EMCN: variants seen among roughly 807,000 people sequenced by gnomAD.
EMCN encodes the protein MUC-14.
A neutral mutation model predicts 38.4 loss-of-function variants in EMCN; 37 were observed. That is an observed-to-expected ratio of 0.96 (90% CI 0.74 to 1.27). The LOEUF is 1.27. EMCN is among the 50% of genes most tolerant of loss of function. The probability of loss-of-function intolerance (pLI) is 0.00; values close to 1 mark genes in which losing one functional copy is unlikely to be tolerated. For missense variants in EMCN, 318 were observed against 302.8 expected, an observed-to-expected ratio of 1.05 and a Z score of -0.37; for synonymous variants, 95 against 100.8, an observed-to-expected ratio of 0.94 and a Z score of 0.35.
rs922424956 is a variant in EMCN, at chr4:100,429,131, G to A, written c.416-5727C>T. Among the ~76,000 whole-genome samples, 7 of 152,098 alleles carry A rather than the reference G, an allele frequency of 4.6e-5. No homozygotes were observed. In the East Asian group the frequency reaches 1.2e-3, roughly 25 times the overall value. ...CAGGCCCCTTCTAAGAGTTAATATC[G>A]GACATAAACATAATCGTTGGTGTTG... is the stretch of plus-strand genomic sequence containing the variant. On this transcript the variant is annotated intron_variant, in intron 5 of 11. Transcript: ENST00000296420.
At chr4:100,490,174 T>TTA (rs1553932050) in intron 1 of EMCN, among the ~76,000 whole-genome samples, 3 of 120,372 alleles carry the variant, frequency 2.5e-5, no homozygotes, top group Non-Finnish European at 5.6e-5. Context: ...CTTGAAAAAG[T>TTA]AAAAAAAAAA....
intron 10 of EMCN, among the ~76,000 whole-genome samples, chr4:100,412,948 A>G (rs1726606132): frequency 6.6e-6 from 1 of 152,154 alleles, no homozygotes; most frequent in South Asian, 2.1e-4. Flanking sequence ...CCAGAACTTT[A>G]ACTGTGGCTC....
chr4:100,484,492 T>A (rs769483059), intron 1 of EMCN, among the ~76,000 whole-genome samples: 2 of 152,166 alleles, frequency 1.3e-5, no homozygotes, highest in Non-Finnish European at 2.9e-5. Context: ...GCTCAAGATA[T>A]CATCTCACCT....
intron 11 of EMCN, among the ~76,000 whole-genome samples, chr4:100,404,597 T>C (rs1360793262): frequency 6.6e-6 from 1 of 152,200 alleles, no homozygotes; most frequent in Non-Finnish European, 1.5e-5. Context: ...AGTATCATAC[T>C]GTACTAGTTA....
chr4:100,516,366 C>T (rs3756040), intron 1 of EMCN, among the ~76,000 whole-genome samples: 59,729 of 151,554 alleles, frequency 0.39, 12,359 homozygotes, highest in East Asian at 0.74. Context: ...CAAAGTATTG[C>T]ACTCGTCGAT....
intron 1 of EMCN, among the ~76,000 whole-genome samples, chr4:100,492,151 A>T (rs569317760): frequency 6.6e-5 from 10 of 152,328 alleles, no homozygotes; most frequent in Admixed American, 3.9e-4. Context: ...TAATGAAATT[A>T]ATACACAAAC....
At chr4:100,430,098 A>G (rs1727155619) in intron 5 of EMCN, among the ~76,000 whole-genome samples, 1 of 152,214 alleles carries the variant, frequency 6.6e-6, no homozygotes, top group African/African-American at 2.4e-5. Context: ...AACATTAAAA[A>G]GGATTTTATT....
chr4:100,484,008 A>G (rs1728878811), intron 1 of EMCN, among the ~76,000 whole-genome samples: 1 of 152,172 alleles, frequency 6.6e-6, no homozygotes, highest in Non-Finnish European at 1.5e-5. Context: ...AGAGAAACAG[A>G]TGGTATTTTG....
chr4:100,497,595 C>T (rs976485334), intron 1 of EMCN, among the ~76,000 whole-genome samples: 3 of 152,136 alleles, frequency 2.0e-5, no homozygotes, highest in African/African-American at 7.2e-5. Flanking sequence ...CCAGGATGGT[C>T]TCGATCTCCT....
chr4:100,448,812 C>CTTCCTTCCTTCT, intron 4 of EMCN, among the ~76,000 whole-genome samples: 1 of 142,282 alleles, frequency 7.0e-6, no homozygotes, highest in African/African-American at 2.7e-5. Context: ...TCCTTCCTTC[C>CTTCCTTCCTTCT]TTCCTTCCTT....
At position 100,456,436 on chromosome 4, in the gene EMCN, T is replaced by C. The variant is rs111954476; in HGVS notation, c.377-8865A>G. ...TCTAGTAATTAAGTTTGAACCATTC[T>C]TTTTCCTGCCTGATATATGCATTTT... On this transcript the variant is annotated intron_variant, in intron 4 of 11. Coordinates refer to ENST00000296420, the MANE Select transcript of EMCN (RefSeq NM_016242.4). Among the ~76,000 whole-genome samples the C allele has an allele frequency of 9.9e-3, 1,507 of 152,302 alleles. 25 individuals are homozygous for C. Among genetic ancestry groups the C allele is most frequent in the African/African-American group, 0.034 (1,423 of 41,566 alleles).
intron 3 of EMCN, among the ~76,000 whole-genome samples, chr4:100,473,573 ATTCAAGAAG>A (rs1254338761): frequency 1.3e-5 from 2 of 151,896 alleles, no homozygotes; most frequent in African/African-American, 2.4e-5. Context: ...CATACAGTGC[ATTCAAGAAG>A]TTCAAGAAGT....
At chr4:100,501,813 C>T (rs1466351974) in intron 1 of EMCN, among the ~76,000 whole-genome samples, 1 of 149,396 alleles carries the variant, frequency 6.7e-6, no homozygotes, top group Admixed American at 6.7e-5. Context: ...ATTTCATAAA[C>T]TTTATATACA....
intron 4 of EMCN, among the ~76,000 whole-genome samples, chr4:100,461,149 C>T (rs542301810): frequency 3.9e-5 from 6 of 152,184 alleles, no homozygotes; most frequent in African/African-American, 7.2e-5. Flanking sequence ...AACTTAAATC[C>T]ACCCACATAT....
chr4:100,499,148 G>A (rs1048438620), intron 1 of EMCN, among the ~76,000 whole-genome samples: 3 of 151,984 alleles, frequency 2.0e-5, no homozygotes, highest in South Asian at 4.1e-4. Context: ...ATTTACTAAT[G>A]TAGTGAATGC....
chr4:100,438,184 T>C (rs1032782438), intron 5 of EMCN, among the ~76,000 whole-genome samples: 5 of 152,064 alleles, frequency 3.3e-5, no homozygotes, highest in African/African-American at 1.2e-4. Flanking sequence ...GTTTAAGACA[T>C]AACCCCATTG....
At chr4:100,410,758 C>T (rs1236527627) in intron 10 of EMCN, among the ~76,000 whole-genome samples, 1 of 152,120 alleles carries the variant, frequency 6.6e-6, no homozygotes, top group African/African-American at 2.4e-5. Context: ...TTCTAGGGTC[C>T]TTCTGTTTAA....
Position 100,479,910 on chromosome 4 carries a change from A to T in EMCN, c.187+7T>A. The T allele has an allele frequency of 1.2e-6, 2 of 1,601,768 alleles. No homozygotes were observed. Among genetic ancestry groups the T allele is most frequent in the Non-Finnish European group, 8.5e-7 (1 of 1,175,544 alleles). On this transcript the variant is annotated splice_region_variant and intron_variant, in intron 2 of 11. Transcript: ENST00000296420. ...GTTAAACTAAATTTACTAACAGTTA[A>T]TCCTACCTTTAGGAGTTGTTCCAGT...
Position 100,403,613 on chromosome 4 carries a change from T to C in EMCN, c.*40-5240A>G, listed in dbSNP as rs563080468. On this transcript the variant is annotated intron_variant, in intron 11 of 11. Transcript: ENST00000296420. ...CTAGTAATGGGACTGCTGGGTTGAA[T>C]GGTAGTTCTATTTTAAGTTCTTTGA... 5.4e-4 allele frequency among the ~76,000 whole-genome samples: 82 copies of C among 152,152 alleles called. 1 individual carries two copies. Among genetic ancestry groups the C allele is most frequent in the Middle Eastern group, 3.4e-3 (1 of 294 alleles).
Sources: gnomAD v4.1 joint callset for allele counts (sites outside exome capture counted in the v4.1 genomes callset) on GRCh38, gnomAD v4.1.1 for gene constraint, MANE v1.5 for transcripts, NCBI Gene and HGNC (gene_info 2026-07-23, HGNC 2026-07-21) for gene names.